Variants in LAPTM5 observed in about 807,000 individuals in gnomAD.
The protein encoded by LAPTM5 is lysosomal protein transmembrane 5, also known as lysosomal-associated transmembrane protein 5.
In LAPTM5, 11 loss-of-function variants were observed where a neutral mutation model predicts 30.1. The ratio of observed to expected loss-of-function variants is 0.37; its 90% CI spans 0.23 to 0.60. The LOEUF is 0.60. Ranked by LOEUF, LAPTM5 falls within the 20% of genes least tolerant of loss-of-function variation. The probability of loss-of-function intolerance (pLI) is 0.71; values close to 1 mark genes in which losing one functional copy is unlikely to be tolerated. For missense variants in LAPTM5, 324 were observed against 332.5 expected (o/e 0.97, Z 0.20); for synonymous variants, 151 against 137.9 (o/e 1.10, Z -0.67).
rs556245774 is a variant in LAPTM5 at position 30,748,788 on chromosome 1, C to A, written c.88-6239G>T. Among the ~76,000 whole-genome samples, 6 of 152,372 alleles carry A rather than the reference C, an allele frequency of 3.9e-5. No individual in the cohort carries two copies. In the East Asian group the frequency reaches 1.2e-3, roughly 29 times the overall value. On this transcript the variant is annotated intron_variant, in intron 1 of 7. Transcript: ENST00000294507. The stretch of plus-strand genomic sequence containing the variant: ...CAGTTCTCGTCCTCACCCGCCGCCT[C>A]CACCTCATCCCCTCCTCCCTCCACT...
chr1:30,740,046 C>T, intron 3 of LAPTM5, 109 bp from the exon 4 acceptor site: 2 of 1,292,236 alleles, frequency 1.5e-6, no homozygotes, highest in South Asian at 1.7e-5. Context: ...CAAACCTTCC[C>T]TGCCCTCCTC....
chr1:30,744,702 T>G (rs1464715516), intron 1 of LAPTM5, among the ~76,000 whole-genome samples: 3 of 152,138 alleles, frequency 2.0e-5, no homozygotes, highest in Non-Finnish European at 2.9e-5. Context: ...CACAGCAAGT[T>G]GAGGGAGGAG....
At chr1:30,742,638 G>A in intron 1 of LAPTM5, 89 bp from the exon 2 acceptor site, 3 of 1,027,318 alleles carry the variant, frequency 2.9e-6, no homozygotes, top group Non-Finnish European at 4.4e-6. Context: ...CAGCAGGGAA[G>A]CCAGTAGTGG....
intron 1 of LAPTM5, among the ~76,000 whole-genome samples, chr1:30,743,299 TTGAATGAATGAA>T (rs150944541): frequency 2.2e-4 from 33 of 152,186 alleles, no homozygotes; most frequent in Admixed American, 1.7e-3. Context: ...GTTGTATTTG[TTGAATGAATGAA>T]TGAATGAATG....
chr1:30,748,762 G>GCAGTT (rs1311901118), intron 1 of LAPTM5, among the ~76,000 whole-genome samples: 1 of 152,148 alleles, frequency 6.6e-6, no homozygotes, highest in African/African-American at 2.4e-5. Flanking sequence ...TCACTCTTCC[G>GCAGTT]CAGTTCTCGT....
chr1:30,737,737 C>A, intron 5 of LAPTM5, 38 bp from the exon 6 acceptor site: 1 of 1,379,444 alleles, frequency 7.2e-7, no homozygotes, highest in Non-Finnish European at 1.0e-6. Flanking sequence ...TGTCTCTGGA[C>A]ATAAGGAATT....
At chr1:30,751,511 G>A (rs1640138168) in intron 1 of LAPTM5, among the ~76,000 whole-genome samples, 1 of 152,234 alleles carries the variant, frequency 6.6e-6, no homozygotes, top group African/African-American at 2.4e-5. Flanking sequence ...GGCTGAGGCT[G>A]GTGGATCACT....
At chr1:30,757,579 C>G in intron 1 of LAPTM5, 80 bp downstream of exon 1, 1 of 1,420,200 alleles carries the variant, frequency 7.0e-7, no homozygotes, top group Non-Finnish European at 9.8e-7. Flanking sequence ...ATTTGTGGGG[C>G]TCCGTAGATG....
intron 2 of LAPTM5, chr1:30,742,231 G>A (rs1484713046): frequency 1.2e-5 from 7 of 577,748 alleles, no homozygotes; most frequent in Non-Finnish European, 2.2e-5. Flanking sequence ...TTTGCAAAGT[G>A]CCATTCCATC....
At position 30,755,771 on chromosome 1, in the gene LAPTM5, T is replaced by C. The variant is rs1344909258; in HGVS notation, c.87+1888A>G. Reference sequence around the variant, plus strand: ...CCTGCACTGAGATTTTTTTCTACCATGCATCAATCACTAGCATTGAAACAT... The same window carrying C: ...CCTGCACTGAGATTTTTTTCTACCACGCATCAATCACTAGCATTGAAACAT... On this transcript the variant is annotated intron_variant, in intron 1 of 7. Transcript: ENST00000294507. Among the ~76,000 whole-genome samples, 10 of 152,166 alleles carry C rather than the reference T, an allele frequency of 6.6e-5. No homozygotes were observed. The South Asian group carries it at 1.4e-3, about 22-fold the overall frequency.
intron 1 of LAPTM5, among the ~76,000 whole-genome samples, chr1:30,754,006 G>A (rs910260061): frequency 2.0e-5 from 3 of 152,166 alleles, no homozygotes; most frequent in African/African-American, 4.8e-5. Context: ...TTTCCTCCTC[G>A]CCCAGTTTTG....
Position 30,739,985 on chromosome 1 carries a change from C to T in LAPTM5, c.259-48G>A. On this transcript the variant is annotated intron_variant, in intron 3 of 7. Coordinates refer to ENST00000294507, the MANE Select transcript of LAPTM5 (RefSeq NM_006762.3). This position sits in a 1 kb window ranked among gnomAD's most constrained non-coding sequence, Gnocchi z 4.2. Reference sequence around the variant, plus strand: ...TCAAGTGTCCCCTGCATGCAGCCAACACTCCGCCACCCAGCCTGATATCCT... The same window carrying T: ...TCAAGTGTCCCCTGCATGCAGCCAATACTCCGCCACCCAGCCTGATATCCT... 1 of 1,506,212 alleles carries T rather than the reference C, an allele frequency of 6.6e-7. No homozygotes were observed. Among genetic ancestry groups the T allele is most frequent in the Non-Finnish European group, 8.9e-7 (1 of 1,120,170 alleles). 93.3% of individuals were successfully genotyped at this position (1,506,212 alleles called of 1,614,324 possible).
intron 6 of LAPTM5, among the ~76,000 whole-genome samples, chr1:30,737,045 T>G (rs1339953626): frequency 6.6e-6 from 1 of 152,194 alleles, no homozygotes; most frequent in Admixed American, 6.5e-5. Flanking sequence ...ACGTTGCTGG[T>G]TGTACTGCTG....
rs1640047280 is a variant in LAPTM5, at chr1:30,746,469, C to T, written c.88-3920G>A. Reference sequence around the variant, plus strand: ...TCCAAGCCTCCAAGCCCTTGCCTTCCCCTCATGTCCCCGGTTTCCACCTGG... The same window carrying T: ...TCCAAGCCTCCAAGCCCTTGCCTTCTCCTCATGTCCCCGGTTTCCACCTGG... On this transcript the variant is annotated intron_variant, in intron 1 of 7. Coordinates refer to ENST00000294507, the MANE Select transcript of LAPTM5 (RefSeq NM_006762.3). This position sits in a 1 kb window ranked among gnomAD's most constrained non-coding sequence, Gnocchi z 4.0. 6.6e-6 allele frequency among the ~76,000 whole-genome samples: 1 copy of T among 152,202 alleles called. No individual in the cohort carries two copies. Among genetic ancestry groups the T allele is most frequent in the African/African-American group, 2.4e-5 (1 of 41,434 alleles).
chr1:30,743,953 G>A (rs1330981444), intron 1 of LAPTM5, among the ~76,000 whole-genome samples: 5 of 152,148 alleles, frequency 3.3e-5, no homozygotes, highest in Admixed American at 6.5e-5. Context: ...CCAGGTCACT[G>A]TGTGACCTTG....
At chr1:30,742,137 T>G in intron 2 of LAPTM5, 2 of 421,742 alleles carry the variant, frequency 4.7e-6, no homozygotes, top group East Asian at 4.8e-5. Context: ...GGTGAGGAGT[T>G]TCCATTTTAT....
At chr1:30,735,333 CAT>C in intron 6 of LAPTM5, 68 bp from the exon 7 acceptor site, 2 of 1,316,116 alleles carry the variant, frequency 1.5e-6, no homozygotes, top group Admixed American at 3.4e-5. Context: ...AGGCCTAGGA[CAT>C]ATGCCAGGCA....
chr1:30,736,173 C>T (rs982660886), intron 6 of LAPTM5, among the ~76,000 whole-genome samples: 2 of 152,120 alleles, frequency 1.3e-5, no homozygotes, highest in Admixed American at 6.5e-5. Flanking sequence ...TCTCACTGTA[C>T]ACTCACTAGT....
At chr1:30,741,792 G>T in intron 2 of LAPTM5, 76 bp from the exon 3 acceptor site, 2 of 1,064,602 alleles carry the variant, frequency 1.9e-6, no homozygotes, top group South Asian at 1.5e-5. Flanking sequence ...ACCACACTTG[G>T]GGAACCACTG....
Sources: allele counts gnomAD v4.1 joint callset (sites outside exome capture counted in the v4.1 genomes callset), GRCh38; gene constraint gnomAD v4.1.1; non-coding constraint Gnocchi (gnomAD v3.1); transcripts MANE v1.5; gene names NCBI Gene and HGNC (gene_info 2026-07-23, HGNC 2026-07-21).